Variants in CAMTA1 observed in about 807,000 individuals in gnomAD.
The protein encoded by CAMTA1 is calmodulin binding transcription activator 1, also known as calmodulin-binding transcription activator 1.
CAMTA1 carries 27 observed loss-of-function variants against 170.9 expected under a neutral mutation model. The ratio of observed to expected loss-of-function variants is 0.16; its 90% CI spans 0.12 to 0.22. CAMTA1 has a LOEUF of 0.22. CAMTA1 is among the 10% of genes least tolerant of loss of function. The pLI is 1.00. For synonymous variants in CAMTA1, 833 were observed against 891.5 expected (o/e 0.93, Z 1.17); for missense variants, 1,619 against 2,217.2 (o/e 0.73, Z 5.42).
chr1:7,172,167 T>G (rs1649756117), intron 4 of CAMTA1, among the ~76,000 whole-genome samples: 1 of 152,046 alleles, frequency 6.6e-6, no homozygotes, highest in Non-Finnish European at 1.5e-5. Context: ...TCTTTTTTTT[T>G]TTGAGATGGA....
chr1:7,619,824 AT>A (rs2095585234), intron 6 of CAMTA1, among the ~76,000 whole-genome samples: 1 of 152,054 alleles, frequency 6.6e-6, no homozygotes, highest in Non-Finnish European at 1.5e-5. Context: ...TAATTTTTGT[AT>A]TTTTAGTAGA....
chr1:7,357,376 T>A (rs2085199986), intron 5 of CAMTA1, among the ~76,000 whole-genome samples: 1 of 152,200 alleles, frequency 6.6e-6, no homozygotes, highest in African/African-American at 2.4e-5. Context: ...TGAGCTGATT[T>A]AGGGGGCAGC....
chr1:7,519,518 C>T (rs1194330303), intron 6 of CAMTA1, among the ~76,000 whole-genome samples: 3 of 151,884 alleles, frequency 2.0e-5, no homozygotes, highest in Non-Finnish European at 4.4e-5. Context: ...GTGGTTCTTC[C>T]TCCAGTGTTC....
chr1:7,241,750 C>T (rs1450814043), intron 4 of CAMTA1, among the ~76,000 whole-genome samples: 1 of 152,114 alleles, frequency 6.6e-6, no homozygotes, highest in Non-Finnish European at 1.5e-5. Context: ...ATTGGATATT[C>T]AGTGACAAAA....
intron 3 of CAMTA1, among the ~76,000 whole-genome samples, chr1:7,026,575 G>A (rs1433745356): frequency 2.0e-5 from 3 of 151,676 alleles, no homozygotes; most frequent in African/African-American, 7.3e-5. Context: ...GATAAGGACC[G>A]TGAGGAACAT....
rs2096786470 is a variant in CAMTA1, at chr1:7,738,423, G to A, written c.4123G>A (p.Gly1375Arg). 1.9e-6 allele frequency: 3 copies of A among 1,614,020 alleles called. No homozygotes were observed. The highest frequency in any genetic ancestry group is 2.7e-5 in the African/African-American group (2 of 74,904). ...CAGAGAGGTGGTGAATACAGAGCTGGGGTCCTACCGTGATAGTGCAGAAAA... is the reference window on the plus strand; with the variant it reads ...CAGAGAGGTGGTGAATACAGAGCTGAGGTCCTACCGTGATAGTGCAGAAAA... ...ANREVVNTELGSYRDSAENEE... is the reference protein window; with the variant it reads ...ANREVVNTELRSYRDSAENEE... The change falls in exon 16 of 23, where the codon GGG (glycine) becomes AGG (arginine). Residue 1375 changes from glycine (G) to arginine (R), a missense_variant. Gly to Arg is a moderately radical substitution (Grantham distance 125, BLOSUM62 -2). Coordinates refer to ENST00000303635, the MANE Select transcript of CAMTA1 (RefSeq NM_015215.4). This position sits in a 1 kb window ranked among gnomAD's most constrained non-coding sequence, Gnocchi z 4.9.
chr1:7,462,226 C>T (rs190657800), intron 5 of CAMTA1, among the ~76,000 whole-genome samples: 86 of 152,258 alleles, frequency 5.6e-4, no homozygotes, highest in Middle Eastern at 6.8e-3. Context: ...CTCCTGGGTT[C>T]AAGCAATTCT....
chr1:6,980,045 T>A (rs921301950), intron 3 of CAMTA1, among the ~76,000 whole-genome samples: 31 of 152,296 alleles, frequency 2.0e-4, no homozygotes, highest in African/African-American at 7.2e-4. Context: ...AAAATCTCAC[T>A]ATTGAGACCT....
In CAMTA1 at chr1:7,146,763, C is replaced by T. The variant is rs894187352; in HGVS notation, c.302+55392C>T. Among the ~76,000 whole-genome samples, 21 of 151,860 alleles carry T rather than the reference C, an allele frequency of 1.4e-4. No homozygotes were observed. The highest frequency in any genetic ancestry group is 4.6e-4 in the African/African-American group (19 of 41,304). ...CACTCAAACATAAACCATGCACACACACACACTTGAGCATCATGCACACAT... is the reference window on the plus strand; with the variant it reads ...CACTCAAACATAAACCATGCACACATACACACTTGAGCATCATGCACACAT... On this transcript the variant is annotated intron_variant, in intron 4 of 22. Coordinates refer to ENST00000303635, the MANE Select transcript of CAMTA1 (RefSeq NM_015215.4). The surrounding 1 kb of genome is among the most constrained non-coding windows in gnomAD (Gnocchi z 4.3).
intron 3 of CAMTA1, among the ~76,000 whole-genome samples, chr1:6,825,727 A>T (rs1429591139): frequency 6.6e-6 from 1 of 152,224 alleles, no homozygotes; most frequent in Non-Finnish European, 1.5e-5. Context: ...ACAGTAGATT[A>T]TGTATTTAGC....
At chr1:7,394,787 C>A (rs1373313431) in intron 5 of CAMTA1, among the ~76,000 whole-genome samples, 1 of 149,662 alleles carries the variant, frequency 6.7e-6, no homozygotes, top group Non-Finnish European at 1.5e-5. Flanking sequence ...TATCATGAAG[C>A]ATTTCCCCTA....
At chr1:7,699,735 T>C (rs572796707) in intron 11 of CAMTA1, among the ~76,000 whole-genome samples, 7 of 152,344 alleles carry the variant, frequency 4.6e-5, no homozygotes, top group African/African-American at 1.7e-4. Context: ...TGGTATCTCA[T>C]TGTGGTTTTG....
chr1:6,962,656 GC>G, intron 3 of CAMTA1, among the ~76,000 whole-genome samples: 1 of 85,848 alleles, frequency 1.2e-5, no homozygotes, highest in Admixed American at 1.8e-4. Flanking sequence ...CTGTGGACCT[GC>G]CCCTGTCTGG....
At chr1:7,677,819 AG>A in intron 11 of CAMTA1, 86 bp downstream of exon 11, 1 of 1,483,616 alleles carries the variant, frequency 6.7e-7, no homozygotes. Flanking sequence ...AAGAAGAGTA[AG>A]CACCCAGAAA....
chr1:6,788,877 A>G (rs1018781270), intron 1 of CAMTA1, among the ~76,000 whole-genome samples: 3 of 152,048 alleles, frequency 2.0e-5, no homozygotes, highest in Non-Finnish European at 4.4e-5. Flanking sequence ...AGATGATTGG[A>G]AATTAGCTTT....
chr1:7,592,676 AGGTCG>A lies in CAMTA1; in HGVS notation c.511-47722_511-47718del, dbSNP rs1289543813. Among the ~76,000 whole-genome samples, 1 of 152,122 alleles carries A rather than the reference AGGTCG, an allele frequency of 6.6e-6. No individual in the cohort carries two copies. Among genetic ancestry groups the A allele is most frequent in the Non-Finnish European group, 1.5e-5 (1 of 68,018 alleles). On this transcript the variant is annotated intron_variant, in intron 6 of 22. Transcript: ENST00000303635. The surrounding 1 kb of genome is among the most constrained non-coding windows in gnomAD (Gnocchi z 4.6). ...AGTTGCCTCTGGGAGGCTTTGGGTC[AGGTCG>A]GAAGCTTGTCTGTGCCCTGAACATA...
chr1:7,305,402 C>G (rs1332748502), intron 5 of CAMTA1, among the ~76,000 whole-genome samples: 1 of 150,092 alleles, frequency 6.7e-6, no homozygotes, highest in Non-Finnish European at 1.5e-5. Flanking sequence ...AAACCCCCCA[C>G]TAAACCCCAG....
chr1:6,886,581 T>A (rs1030734326), intron 3 of CAMTA1, among the ~76,000 whole-genome samples: 1 of 152,220 alleles, frequency 6.6e-6, no homozygotes, highest in Non-Finnish European at 1.5e-5. Context: ...GAAGGCGATG[T>A]TTTACTCACA....
chr1:7,366,885 G>C (rs1286504902), intron 5 of CAMTA1, among the ~76,000 whole-genome samples: 1 of 152,184 alleles, frequency 6.6e-6, no homozygotes, highest in African/African-American at 2.4e-5. Flanking sequence ...TGGGTCACTG[G>C]TTCCAGAAGT....
Sources: gnomAD v4.1 joint callset for allele counts (sites outside exome capture counted in the v4.1 genomes callset) on GRCh38, gnomAD v4.1.1 for gene constraint, Gnocchi (gnomAD v3.1) non-coding constraint, MANE v1.5 for transcripts, NCBI Gene and HGNC (gene_info 2026-07-23, HGNC 2026-07-21) for gene names.